CNBD1: variants seen among roughly 807,000 people sequenced by gnomAD.
The protein encoded by CNBD1 is cyclic nucleotide binding domain containing 1.
A neutral mutation model predicts 54.4 loss-of-function variants in CNBD1; 71 were observed. The ratio of observed to expected loss-of-function variants is 1.30; its 90% CI spans 1.08 to 1.59. The LOEUF (loss-of-function observed/expected upper bound fraction) is 1.59, where lower values mean the gene tolerates loss of function less well. CNBD1 is among the 40% of genes most tolerant of loss of function. The pLI is 0.00. For missense variants in CNBD1, 659 were observed against 518.0 expected (o/e 1.27, Z -2.64); for synonymous variants, 182 against 170.7 (o/e 1.07, Z -0.51).
At chr8:87,389,828 C>A (rs369371495) in intron 2 of CNBD1, among the ~76,000 whole-genome samples, 2 of 152,282 alleles carry the variant, frequency 1.3e-5, no homozygotes, top group African/African-American at 4.8e-5. Context: ...GGAGGCATCA[C>A]GCTACCTGAC....
chr8:87,266,150 C>A (rs550904271), intron 6 of CNBD1, among the ~76,000 whole-genome samples: 1 of 151,454 alleles, frequency 6.6e-6, no homozygotes, highest in Admixed American at 6.6e-5. Flanking sequence ...GATAAGTGTC[C>A]CCTAATGATT....
At chr8:87,041,212 G>T (rs1810060633) in intron 4 of CNBD1, among the ~76,000 whole-genome samples, 1 of 152,114 alleles carries the variant, frequency 6.6e-6, no homozygotes, top group African/African-American at 2.4e-5. Context: ...AACGGTTAGG[G>T]AATGACAGGA....
At chr8:87,301,738 C>T (rs944331595) in intron 8 of CNBD1, among the ~76,000 whole-genome samples, 8 of 151,966 alleles carry the variant, frequency 5.3e-5, no homozygotes, top group Non-Finnish European at 1.0e-4. Context: ...AGTGATAGAC[C>T]ACTAGCAAGA....
chr8:87,257,718 G>A (rs1259913121), intron 6 of CNBD1, among the ~76,000 whole-genome samples: 1 of 152,096 alleles, frequency 6.6e-6, no homozygotes, highest in African/African-American at 2.4e-5. Context: ...TAGGTATATA[G>A]CACTGATAAC....
At chr8:87,404,335 C>T (rs1383397858) in intron 2 of CNBD1, among the ~76,000 whole-genome samples, 1 of 151,994 alleles carries the variant, frequency 6.6e-6, no homozygotes, top group Admixed American at 6.6e-5. Context: ...TTCATCATTG[C>T]CATGTTACCT....
At chr8:87,250,419 C>G (rs1807891928) in intron 6 of CNBD1, among the ~76,000 whole-genome samples, 1 of 152,040 alleles carries the variant, frequency 6.6e-6, no homozygotes, top group East Asian at 1.9e-4. Context: ...TATGGGAGTT[C>G]CTCAAAAATA....
At chr8:87,223,438 G>A (rs1415669401) in intron 5 of CNBD1, among the ~76,000 whole-genome samples, 1 of 140,952 alleles carries the variant, frequency 7.1e-6, no homozygotes, top group Non-Finnish European at 1.5e-5. Context: ...TCCCCTTCCT[G>A]TGTCCATGTG....
intron 4 of CNBD1, among the ~76,000 whole-genome samples, chr8:87,165,109 C>T (rs1812935219): frequency 1.3e-5 from 2 of 151,750 alleles, no homozygotes; most frequent in African/African-American, 4.8e-5. Flanking sequence ...TTCATCCTAT[C>T]ATGATCTGAA....
intron 2 of CNBD1, among the ~76,000 whole-genome samples, chr8:87,392,438 A>C (rs899712164): frequency 4.6e-5 from 7 of 152,072 alleles, no homozygotes; most frequent in African/African-American, 1.7e-4. Context: ...GGGATAAATT[A>C]AAATGTCATA....
At chr8:86,988,327 G>GT (rs1808657146) in intron 4 of CNBD1, among the ~76,000 whole-genome samples, 2 of 151,718 alleles carry the variant, frequency 1.3e-5, no homozygotes, top group South Asian at 2.1e-4. Flanking sequence ...GATCTTTTGT[G>GT]TTTTTTGGGA....
At chr8:86,912,643 A>G (rs1019099375) in intron 3 of CNBD1, among the ~76,000 whole-genome samples, 10 of 152,168 alleles carry the variant, frequency 6.6e-5, no homozygotes, top group African/African-American at 2.2e-4. Flanking sequence ...ACTAAAGACT[A>G]TATTATTTAT....
intron 8 of CNBD1, among the ~76,000 whole-genome samples, chr8:87,301,224 A>G (rs972288910): frequency 6.6e-6 from 1 of 152,192 alleles, no homozygotes. Context: ...TGCCAACAAA[A>G]AAAGTCCAGG....
intron 4 of CNBD1, among the ~76,000 whole-genome samples, chr8:87,195,678 A>G (rs1164333694): frequency 2.0e-5 from 3 of 151,410 alleles, no homozygotes; most frequent in Non-Finnish European, 4.4e-5. Context: ...GATTCCAGCA[A>G]TTCTCCTGCC....
chr8:87,281,009 T>C (rs1808588914), intron 6 of CNBD1, among the ~76,000 whole-genome samples: 1 of 151,496 alleles, frequency 6.6e-6, no homozygotes, highest in Admixed American at 6.6e-5. Flanking sequence ...ATAAAGTAAA[T>C]AGCTTTATAG....
intron 4 of CNBD1, among the ~76,000 whole-genome samples, chr8:87,031,831 C>A (rs952279011): frequency 3.3e-5 from 5 of 152,150 alleles, no homozygotes; most frequent in African/African-American, 1.2e-4. Context: ...AACTCCACCC[C>A]CCAGGTTCAA....
At chr8:87,190,886 C>CCTATATCTATTTA (rs1427428611) in intron 4 of CNBD1, among the ~76,000 whole-genome samples, 41,066 of 130,020 alleles carry the variant, frequency 0.32, 9,457 homozygotes, top group Non-Finnish European at 0.36. Flanking sequence ...GATACATGTA[C>CCTATATCTATTTA]GTATATCTAT....
In CNBD1 at chr8:87,302,114, G is replaced by A. The variant is rs529303611; in HGVS notation, c.1042+15443G>A. On this transcript the variant is annotated intron_variant, in intron 8 of 10. Coordinates refer to ENST00000518476, the MANE Select transcript of CNBD1 (RefSeq NM_173538.3). ...AACTATTCCAATCAATAGAAAAAGA[G>A]GGAATCCTCCCTAACTCATTTTATG... 1.7e-3 allele frequency among the ~76,000 whole-genome samples: 266 copies of A among 152,252 alleles called. 1 individual carries two copies. The highest frequency in any genetic ancestry group is 6.0e-3 in the African/African-American group (248 of 41,554).
At chr8:87,329,992 G>A (rs1463820417) in intron 8 of CNBD1, among the ~76,000 whole-genome samples, 1 of 151,880 alleles carries the variant, frequency 6.6e-6, no homozygotes, top group Non-Finnish European at 1.5e-5. Context: ...AATACTCCTA[G>A]TTTCTTACCA....
intron 10 of CNBD1, among the ~76,000 whole-genome samples, chr8:87,378,598 G>A (rs1811000294): frequency 6.7e-6 from 1 of 149,346 alleles, no homozygotes; most frequent in Non-Finnish European, 1.5e-5. Flanking sequence ...GATGCCTCCA[G>A]CTTTGTTCTT....
Sources: gnomAD v4.1 joint callset for allele counts (sites outside exome capture counted in the v4.1 genomes callset) on GRCh38, gnomAD v4.1.1 for gene constraint, MANE v1.5 for transcripts, NCBI Gene and HGNC (gene_info 2026-07-23, HGNC 2026-07-21) for gene names.